RRP15: variants seen among roughly 807,000 people sequenced by gnomAD.
RRP15 encodes ribosomal RNA processing 15 homolog, also known as RRP15-like protein.
Under a neutral mutation model 27.1 loss-of-function variants are expected in RRP15, and 18 were observed. The observed-to-expected ratio is 0.66, with a 90% CI of 0.46 to 0.98. The LOEUF (loss-of-function observed/expected upper bound fraction) is 0.98, where lower values mean the gene tolerates loss of function less well. Ranked by LOEUF, RRP15 falls within the 50% of genes least tolerant of loss-of-function variation. The pLI is 0.00. For missense variants in RRP15, 359 were observed against 337.8 expected, an observed-to-expected ratio of 1.06 and a Z score of -0.49; for synonymous variants, 107 against 109.4, an observed-to-expected ratio of 0.98 and a Z score of 0.14.
In RRP15 at chr1:218,334,247, A is replaced by G. The variant is rs553227933; in HGVS notation, c.*3156A>G. On this transcript the variant is annotated 3_prime_UTR_variant, in exon 5 of 5. Coordinates refer to ENST00000366932, the MANE Select transcript of RRP15 (RefSeq NM_016052.4). The stretch of plus-strand genomic sequence containing the variant: ...ATTCTGCATTGCTCAAACATTATTC[A>G]ATTGATTGCAAAATATACCTTGGAA... The G allele has an allele frequency of 6.6e-6, 1 of 152,304 alleles. No individual in the cohort carries two copies. Among genetic ancestry groups the G allele is most frequent in the East Asian group, 1.9e-4 (1 of 5,184 alleles). The allele number at this position is 152,304 out of a possible 1,614,324, so 9.4% of individuals were successfully genotyped here.
chr1:218,319,122 C>G (rs1656135968), intron 4 of RRP15, among the ~76,000 whole-genome samples: 1 of 151,440 alleles, frequency 6.6e-6, no homozygotes. Flanking sequence ...TGCAATGGTG[C>G]AATCTCGGCT....
At chr1:218,309,066 T>C (rs975189779) in intron 4 of RRP15, among the ~76,000 whole-genome samples, 17 of 152,220 alleles carry the variant, frequency 1.1e-4, no homozygotes, top group Admixed American at 1.0e-3. Flanking sequence ...ACTGGCATTG[T>C]ATTTTTTTCT....
chr1:218,288,839 C>T (rs1655590387), intron 1 of RRP15, among the ~76,000 whole-genome samples: 1 of 152,148 alleles, frequency 6.6e-6, no homozygotes, highest in Non-Finnish European at 1.5e-5. Context: ...TATAGCACTT[C>T]CAATGTTTAT....
intron 4 of RRP15, among the ~76,000 whole-genome samples, chr1:218,330,267 A>G (rs1656344866): frequency 6.6e-6 from 1 of 152,206 alleles, no homozygotes; most frequent in Admixed American, 6.5e-5. Flanking sequence ...AAAGGCTGTA[A>G]TTAGTACCAC....
intron 4 of RRP15, among the ~76,000 whole-genome samples, chr1:218,320,021 T>A (rs994744041): frequency 6.6e-6 from 1 of 150,748 alleles, no homozygotes; most frequent in African/African-American, 2.5e-5. Context: ...CCTTAGGTTT[T>A]TTTTTTTTTT....
At chr1:218,329,538 C>T (rs149165771) in intron 4 of RRP15, among the ~76,000 whole-genome samples, 6 of 152,174 alleles carry the variant, frequency 3.9e-5, no homozygotes, top group Admixed American at 6.5e-5. Flanking sequence ...TATCTTCCTA[C>T]GTTATTGTTC....
intron 3 of RRP15, among the ~76,000 whole-genome samples, chr1:218,306,115 T>C (rs1655894973): frequency 1.3e-5 from 2 of 152,180 alleles, no homozygotes; most frequent in African/African-American, 2.4e-5. Flanking sequence ...ACCCTGGTCC[T>C]GTCACTACTG....
rs897120854 is a variant in RRP15 at position 218,334,706 on chromosome 1, A to T, written c.*3615A>T. On this transcript the variant is annotated 3_prime_UTR_variant, in exon 5 of 5. Transcript: ENST00000366932. ...GACATTTATCTCCACTCTGCATGTC[A>T]CTGATATGGTATAGACGCTATAAGC... 6.6e-6 allele frequency: 1 copy of T among 152,196 alleles called. No homozygotes were observed. The highest frequency in any genetic ancestry group is 2.1e-4 in the South Asian group (1 of 4,832). The allele number at this position is 152,196 out of a possible 1,614,324, so 9.4% of individuals were successfully genotyped here.
chr1:218,323,407 G>C (rs1409020438), intron 4 of RRP15, among the ~76,000 whole-genome samples: 6 of 152,312 alleles, frequency 3.9e-5, no homozygotes. Context: ...TGGTGGTCTT[G>C]TTGTCTCTGG....
At chr1:218,303,792 C>G (rs969873882) in intron 2 of RRP15, among the ~76,000 whole-genome samples, 4 of 151,756 alleles carry the variant, frequency 2.6e-5, no homozygotes, top group Admixed American at 2.6e-4. Context: ...TACAAATGCT[C>G]TTTGTGTGTA....
intron 4 of RRP15, among the ~76,000 whole-genome samples, chr1:218,328,193 G>A (rs1004677368): frequency 5.3e-5 from 8 of 152,256 alleles, no homozygotes; most frequent in East Asian, 3.9e-4. Context: ...TATTCTTTAC[G>A]TTGGACAATT....
At chr1:218,322,854 G>A (rs932731562) in intron 4 of RRP15, among the ~76,000 whole-genome samples, 3 of 152,120 alleles carry the variant, frequency 2.0e-5, no homozygotes, top group Admixed American at 6.5e-5. Flanking sequence ...CGCTCGGCTC[G>A]TGCTACCAGC....
Position 218,313,596 on chromosome 1 carries a change from G to A in RRP15, c.705+5964G>A, listed in dbSNP as rs143667882. Among the ~76,000 whole-genome samples, 215 of 152,324 alleles carry A rather than the reference G, an allele frequency of 1.4e-3. 1 individual carries two copies. The highest frequency in any genetic ancestry group is 4.8e-3 in the African/African-American group (200 of 41,580). ...AGTAAAGATCAGGTTAACAGCAGCA[G>A]TGTGGCAGAAGCATTTGGTTAGTGC... is the stretch of plus-strand genomic sequence containing the variant. On this transcript the variant is annotated intron_variant, in intron 4 of 4. Coordinates refer to ENST00000366932, the MANE Select transcript of RRP15 (RefSeq NM_016052.4).
chr1:218,289,720 T>C lies in RRP15; in HGVS notation c.139+4265T>C, dbSNP rs148642987. Among the ~76,000 whole-genome samples the C allele has an allele frequency of 3.8e-3, 576 of 152,328 alleles. 3 individuals are homozygous for C. The highest frequency in any genetic ancestry group is 0.013 in the African/African-American group (554 of 41,578). ...TTTTTGAGATGGAGTTTTGCTCTTG[T>C]TGCCCAGGCTGGAGTGCAATGGTAT... On this transcript the variant is annotated intron_variant, in intron 1 of 4. Transcript: ENST00000366932.
At chr1:218,322,911 G>C (rs1656209542) in intron 4 of RRP15, among the ~76,000 whole-genome samples, 1 of 152,178 alleles carries the variant, frequency 6.6e-6, no homozygotes, top group Non-Finnish European at 1.5e-5. Context: ...AGCGAGAGTG[G>C]GGTCCTGCCA....
intron 4 of RRP15, among the ~76,000 whole-genome samples, chr1:218,329,753 G>A (rs147927984): frequency 6.6e-6 from 1 of 151,522 alleles, no homozygotes; most frequent in South Asian, 2.1e-4. Context: ...AGCTCTGCTT[G>A]ATATTTTGAC....
In RRP15 at chr1:218,329,235, T is replaced by TGCAAA. The variant is rs1357659970; in HGVS notation, c.706-1713_706-1712insGCAAA. On this transcript the variant is annotated intron_variant, in intron 4 of 4. Transcript: ENST00000366932. The stretch of plus-strand genomic sequence containing the variant: ...GGACCACATGGCAAAACCCTGTCTC[T>TGCAAA]ACAAAAAAAAAAAAAAAAAAAAAAA... Among the ~76,000 whole-genome samples, 6 of 22,332 alleles carry TGCAAA rather than the reference T, an allele frequency of 2.7e-4. 1 individual carries two copies. The highest frequency in any genetic ancestry group is 4.1e-4 in the Non-Finnish European group (5 of 12,148). 14.7% of individuals were successfully genotyped at this position (22,332 alleles called of 152,430 possible). A position where few individuals can be genotyped will look rare whatever the true frequency, so the allele number is the denominator to read the frequency against.
At chr1:218,310,937 C>G (rs1444831610) in intron 4 of RRP15, among the ~76,000 whole-genome samples, 2 of 152,014 alleles carry the variant, frequency 1.3e-5, no homozygotes, top group East Asian at 1.9e-4. Context: ...TTAGTAGAGA[C>G]AGGGTTTCAC....
intron 3 of RRP15, among the ~76,000 whole-genome samples, chr1:218,306,242 T>C (rs1470428968): frequency 7.2e-5 from 11 of 152,202 alleles, no homozygotes. Flanking sequence ...TTATTATTCA[T>C]GGCAAAAACA....
Sources: allele counts gnomAD v4.1 joint callset (sites outside exome capture counted in the v4.1 genomes callset), GRCh38; gene constraint gnomAD v4.1.1; transcripts MANE v1.5; gene names NCBI Gene and HGNC (gene_info 2026-07-23, HGNC 2026-07-21).